Variants in SSBP3 observed in about 807,000 individuals in gnomAD.
The protein encoded by SSBP3 is single-stranded DNA-binding protein 3.
In SSBP3, 5 loss-of-function variants were observed where a neutral mutation model predicts 69.6. That is an observed-to-expected ratio of 0.07 (90% confidence interval 0.04 to 0.15). The LOEUF (loss-of-function observed/expected upper bound fraction) is 0.15, where lower values mean the gene tolerates loss of function less well. SSBP3 is among the 10% of genes least tolerant of loss of function. The probability of loss-of-function intolerance (pLI) is 1.00; values close to 1 mark genes in which losing one functional copy is unlikely to be tolerated. For missense variants in SSBP3, 312 were observed against 534.0 expected, an observed-to-expected ratio of 0.58 and a Z score of 4.10; for synonymous variants, 196 against 193.4, an observed-to-expected ratio of 1.01 and a Z score of -0.11.
intron 4 of SSBP3, among the ~76,000 whole-genome samples, chr1:54,390,777 C>T (rs759095867): frequency 1.4e-4 from 21 of 152,248 alleles, no homozygotes; most frequent in Non-Finnish European, 7.3e-5. Flanking sequence ...GAGCTGCGGG[C>T]CAGGGCCGCC....
At chr1:54,280,238 C>G (rs973842511) in intron 5 of SSBP3, among the ~76,000 whole-genome samples, 1 of 152,190 alleles carries the variant, frequency 6.6e-6, no homozygotes, top group African/African-American at 2.4e-5. Context: ...AAAATCTTGC[C>G]AACTAGAATC....
intron 9 of SSBP3, among the ~76,000 whole-genome samples, chr1:54,247,305 G>T (rs983346547): frequency 6.6e-6 from 1 of 152,232 alleles, no homozygotes. Context: ...ACACAGTGCT[G>T]TATTTCCCTT....
At chr1:54,321,397 T>C (rs1215075784) in intron 4 of SSBP3, among the ~76,000 whole-genome samples, 1 of 152,260 alleles carries the variant, frequency 6.6e-6, no homozygotes, top group Non-Finnish European at 1.5e-5. Context: ...CGAGGTCAAG[T>C]GGCTGGGTGG....
At chr1:54,380,293 G>T (rs1647522088) in intron 4 of SSBP3, among the ~76,000 whole-genome samples, 2 of 152,078 alleles carry the variant, frequency 1.3e-5, no homozygotes, top group African/African-American at 4.8e-5. Context: ...CCCTCCCCAT[G>T]GTTCCTCCTC....
intron 4 of SSBP3, chr1:54,356,831 G>A (rs1159726069): frequency 6.6e-6 from 1 of 152,296 alleles, no homozygotes; most frequent in African/African-American, 2.4e-5. Context: ...TCCTCCACCC[G>A]CCCCACCTGC....
intron 4 of SSBP3, among the ~76,000 whole-genome samples, chr1:54,320,355 T>C (rs766358629): frequency 1.2e-4 from 18 of 152,204 alleles, no homozygotes; most frequent in Non-Finnish European, 1.2e-4. Context: ...AGACAGAGTC[T>C]TACTCTGTCT....
Position 54,243,301 on chromosome 1 carries a change from T to C in SSBP3, c.652-2A>G. The C allele has an allele frequency of 6.2e-7, 1 of 1,614,016 alleles. No homozygotes were observed. The highest frequency in any genetic ancestry group is 8.5e-7 in the Non-Finnish European group (1 of 1,179,976). ...TGGTCTCATGCCGCTGCCGTAATTC[T>C]GCAACGATAACCAAGGGTCAGTCTA... On this transcript the variant is annotated splice_acceptor_variant, in intron 9 of 17. Coordinates refer to ENST00000610401, the Ensembl canonical transcript of SSBP3. LOFTEE classifies it high-confidence loss of function.
In SSBP3 at chr1:54,258,239, CGAA is replaced by C; in HGVS notation, c.367-93_367-91del. ...TAAAAGAACAAAAATTAAACCAAAA[CGAA>C]GGGTGGGCGGCGGGCGTGCGGGGGG... On this transcript the variant is annotated intron_variant, in intron 5 of 17. Transcript: ENST00000610401. The surrounding 1 kb of genome is among the most constrained non-coding windows in gnomAD (Gnocchi z 4.5). 9.5e-7 allele frequency: 1 copy of C among 1,055,794 alleles called. No homozygotes were observed. The allele number at this position is 1,055,794 out of a possible 1,614,324, so 65.4% of individuals were successfully genotyped here.
At chr1:54,378,221 A>G (rs1336605885) in intron 4 of SSBP3, among the ~76,000 whole-genome samples, 1 of 152,160 alleles carries the variant, frequency 6.6e-6, no homozygotes, top group Non-Finnish European at 1.5e-5. Flanking sequence ...ACTTTCTTTC[A>G]TGGATAGATT....
chr1:54,335,839 C>T (rs369572483), intron 4 of SSBP3: 1 of 152,312 alleles, frequency 6.6e-6, no homozygotes, highest in African/African-American at 2.4e-5. Flanking sequence ...CTGGACAAGG[C>T]AGCAACGCAG....
chr1:54,290,605 C>G (rs1645586655), intron 4 of SSBP3, among the ~76,000 whole-genome samples: 1 of 152,202 alleles, frequency 6.6e-6, no homozygotes, highest in African/African-American at 2.4e-5. Flanking sequence ...TCCCAGGAAG[C>G]ACCCGGCTTC....
chr1:54,353,417 CAT>C (rs1165217949), intron 4 of SSBP3, among the ~76,000 whole-genome samples: 1 of 152,222 alleles, frequency 6.6e-6, no homozygotes, highest in Non-Finnish European at 1.5e-5. Flanking sequence ...GACTTACACA[CAT>C]GTGGCCAGGC....
chr1:54,245,971 A>T (rs1365500763), intron 9 of SSBP3, among the ~76,000 whole-genome samples: 2 of 152,290 alleles, frequency 1.3e-5, no homozygotes, highest in East Asian at 3.9e-4. Flanking sequence ...CAGAAAACTG[A>T]GGTAGAGAGG....
chr1:54,312,392 C>T (rs1427088494), intron 4 of SSBP3, among the ~76,000 whole-genome samples: 1 of 151,758 alleles, frequency 6.6e-6, no homozygotes, highest in Non-Finnish European at 1.5e-5. Context: ...GAGTTCGAGA[C>T]CAGCCTGGCC....
chr1:54,269,370 C>T (rs1645154172), intron 5 of SSBP3, among the ~76,000 whole-genome samples: 1 of 152,194 alleles, frequency 6.6e-6, no homozygotes, highest in Non-Finnish European at 1.5e-5. Flanking sequence ...GTCTCTTCTG[C>T]TCACCACTGG....
At chr1:54,368,758 C>T (rs1647071121) in intron 4 of SSBP3, among the ~76,000 whole-genome samples, 1 of 152,210 alleles carries the variant, frequency 6.6e-6, no homozygotes, top group Non-Finnish European at 1.5e-5. Context: ...GAACATCTCA[C>T]TGAAGAGCTG....
chr1:54,410,953 C>T (rs1398731303), upstream of SSBP3, among the ~76,000 whole-genome samples: 2 of 152,198 alleles, frequency 1.3e-5, no homozygotes, highest in Non-Finnish European at 2.9e-5. Context: ...GATGATTACT[C>T]ATGGCCAGCA....
chr1:54,335,668 GA>G (rs1435861530), intron 4 of SSBP3: 1 of 152,192 alleles, frequency 6.6e-6, no homozygotes, highest in African/African-American at 2.4e-5. Context: ...CTGAGACCGA[GA>G]GGCCCAAAAA....
chr1:54,227,325 G>A (rs1271432221), intron 17 of SSBP3, among the ~76,000 whole-genome samples, 165 bp from the exon 18 acceptor site: 3 of 152,162 alleles, frequency 2.0e-5, no homozygotes, highest in African/African-American at 4.8e-5. Context: ...GCAGGGGGCC[G>A]GTAGGGCAGG....
Sources: gnomAD v4.1 joint callset for allele counts (sites outside exome capture counted in the v4.1 genomes callset) on GRCh38, gnomAD v4.1.1 for gene constraint, Gnocchi (gnomAD v3.1) non-coding constraint, MANE v1.5 for transcripts, NCBI Gene and HGNC (gene_info 2026-07-23, HGNC 2026-07-21) for gene names.